Variants in STAB2 observed in about 807,000 individuals in gnomAD.
STAB2 encodes the protein stabilin 2.
Under a neutral mutation model 338.1 loss-of-function variants are expected in STAB2, and 288 were observed. The ratio of observed to expected loss-of-function variants is 0.85; its 90% CI spans 0.77 to 0.94. The LOEUF is 0.94. Ranked by LOEUF, STAB2 falls within the 40% of genes least tolerant of loss-of-function variation. STAB2 has a pLI of 0.00. For synonymous variants in STAB2, 1,202 were observed against 1,193.3 expected (o/e 1.01, Z -0.15); for missense variants, 3,141 against 3,210.1 (o/e 0.98, Z 0.52).
chr12:103,733,392 G>A (rs780976406), intron 51 of STAB2, among the ~76,000 whole-genome samples: 14 of 151,872 alleles, frequency 9.2e-5, no homozygotes, highest in Non-Finnish European at 1.5e-4. Flanking sequence ...TCTGTTCCTT[G>A]GACCTGCCAA....
Position 103,675,969 on chromosome 12 carries a change from G to A in STAB2, c.2594G>A (p.Cys865Tyr). The A allele has an allele frequency of 6.2e-7, 1 of 1,611,016 alleles. No homozygotes were observed. Among genetic ancestry groups the A allele is most frequent in the Non-Finnish European group, 8.5e-7 (1 of 1,178,362 alleles). Reference protein sequence around the residue: ...KAGYEGDGTLCSEMDPCTGLT... With the variant: ...KAGYEGDGTLYSEMDPCTGLT... ...GGATATGAAGGAGATGGAACTCTGT[G>A]TTCTGAGATGGACCCTTGCACAGGA... The change falls in exon 24 of 69, where the codon TGT becomes TAT. Residue 865 changes from cysteine (C) to tyrosine (Y), a missense_variant. Physicochemically the swap from Cys to Tyr is radical, Grantham distance 194 (BLOSUM62 -2). Coordinates refer to ENST00000388887, the MANE Select transcript of STAB2 (RefSeq NM_017564.10).
At chr12:103,612,262 T>A (rs1957136249) in intron 3 of STAB2, among the ~76,000 whole-genome samples, 1 of 152,250 alleles carries the variant, frequency 6.6e-6, no homozygotes, top group African/African-American at 2.4e-5. Flanking sequence ...TTCTCCTGGA[T>A]AATATCCTGC....
intron 65 of STAB2, among the ~76,000 whole-genome samples, 153 bp downstream of exon 65, chr12:103,759,426 C>T (rs1385990915): frequency 6.6e-6 from 1 of 152,226 alleles, no homozygotes; most frequent in Non-Finnish European, 1.5e-5. Flanking sequence ...CTACAGCATA[C>T]CACACTGACA....
chr12:103,606,920 G>C (rs183904247), intron 3 of STAB2, among the ~76,000 whole-genome samples: 19 of 152,146 alleles, frequency 1.2e-4, no homozygotes, highest in African/African-American at 4.6e-4. Flanking sequence ...GGAGGTGGAG[G>C]GTGCCGTGAG....
chr12:103,637,439 T>G (rs1175921183), intron 7 of STAB2, among the ~76,000 whole-genome samples: 1 of 152,210 alleles, frequency 6.6e-6, no homozygotes, highest in Non-Finnish European at 1.5e-5. Context: ...CATATAGAGA[T>G]TTTTATGTTT....
At chr12:103,759,757 A>C (rs1282562741) in intron 65 of STAB2, among the ~76,000 whole-genome samples, 1 of 152,056 alleles carries the variant, frequency 6.6e-6, no homozygotes, top group Non-Finnish European at 1.5e-5. Context: ...GGGAGGGAAA[A>C]CTTATTCTAC....
In STAB2 at chr12:103,706,868, G is replaced by A. The variant is rs754580231; in HGVS notation, c.4073G>A (p.Gly1358Asp). Residue 1358 changes from glycine (G) to aspartate (D), a missense_variant, in exon 38 of 69, where the codon GGT (glycine) becomes GAT (aspartate). Physicochemically the swap from Gly to Asp is moderately conservative, Grantham distance 94 (BLOSUM62 -1). Coordinates refer to ENST00000388887, the MANE Select transcript of STAB2 (RefSeq NM_017564.10). Reference sequence around the variant, plus strand: ...GGGAATGCCCAGAATGTCTGCTTTGGTAATGGCATCTGTTTGGATGGAGTG... The same window carrying A: ...GGGAATGCCCAGAATGTCTGCTTTGATAATGGCATCTGTTTGGATGGAGTG... Reference protein sequence around the residue: ...CPGNAQNVCFGNGICLDGVNG... With the variant: ...CPGNAQNVCFDNGICLDGVNG... The A allele has an allele frequency of 4.9e-5, 79 of 1,614,140 alleles. 1 individual carries two copies. The Middle Eastern group carries it at 8.1e-3, about 165-fold the overall frequency.
chr12:103,693,905 C>G (rs897348384), intron 31 of STAB2, among the ~76,000 whole-genome samples: 4 of 151,780 alleles, frequency 2.6e-5, no homozygotes, highest in Non-Finnish European at 5.9e-5. Context: ...GTAATTCCAG[C>G]ACTTTGGGAG....
intron 3 of STAB2, among the ~76,000 whole-genome samples, chr12:103,618,916 C>T (rs534201859): frequency 5.9e-5 from 9 of 152,268 alleles, no homozygotes; most frequent in African/African-American, 2.2e-4. Flanking sequence ...GCGGGCCTTT[C>T]CCATGCTGTT....
rs1429714926 is a variant in STAB2 at position 103,713,767 on chromosome 12, G to C, written c.4536G>C (p.Leu1512=). Residue 1512 remains leucine, a splice_region_variant and synonymous_variant, in exon 42 of 69, where the codon CTG becomes CTC. Transcript: ENST00000388887. The stretch of plus-strand genomic sequence containing the variant: ...ACACGGGTGATGGCATTGTGTGCCT[G>C]GGTAGGTGTCCTTCCCTCTTCCATC... The part of the protein sequence containing the change: ...AGYTGDGIVC[L]EINPCLENHG... The C allele has an allele frequency of 5.0e-6, 8 of 1,613,540 alleles. No homozygotes were observed. The highest frequency in any genetic ancestry group is 6.8e-6 in the Non-Finnish European group (8 of 1,179,748).
chr12:103,748,967 G>A lies in STAB2; in HGVS notation c.6249G>A (p.Val2083=). 1 of 1,612,860 alleles carries A rather than the reference G, an allele frequency of 6.2e-7. No individual in the cohort carries two copies. The highest frequency in any genetic ancestry group is 8.5e-7 in the Non-Finnish European group (1 of 1,179,274). Residue 2083 remains valine (V), a synonymous_variant, in exon 59 of 69, where the codon GTG becomes GTA. Transcript: ENST00000388887. ...YEGDGITCTV[V]DFCKQDNGGC... ...CTCTCTCCTCTGCTCTTGCAGTTGT[G>A]GATTTCTGCAAACAGGACAACGGGG...
At chr12:103,715,450 A>T (rs1055645542) in intron 42 of STAB2, among the ~76,000 whole-genome samples, 1 of 152,130 alleles carries the variant, frequency 6.6e-6, no homozygotes, top group African/African-American at 2.4e-5. Flanking sequence ...CTATATTGTG[A>T]TGGTTGCAAA....
intron 22 of STAB2, among the ~76,000 whole-genome samples, chr12:103,671,387 G>T (rs1248320473): frequency 6.6e-6 from 1 of 152,070 alleles, no homozygotes; most frequent in Non-Finnish European, 1.5e-5. Context: ...GGAGGCAGAG[G>T]TTGCAGTAAG....
Position 103,594,452 on chromosome 12 carries a change from T to C in STAB2, c.273T>C (p.Cys91=). 2 of 1,613,990 alleles carry C rather than the reference T, an allele frequency of 1.2e-6. No individual in the cohort carries two copies. The highest frequency in any genetic ancestry group is 1.7e-6 in the Non-Finnish European group (2 of 1,179,880). Residue 91 remains cysteine, a synonymous_variant, in exon 3 of 69, where the codon TGT becomes TGC. Transcript: ENST00000388887. ...SLSLPGCRHI[C]RKDYLQPRCC... is the part of the protein sequence containing the mutation. ...CTCTCCCCGGATGCCGCCATATTTGTAGGAAGGACTATCTCCAACCTCGGT... is the reference window on the plus strand; with the variant it reads ...CTCTCCCCGGATGCCGCCATATTTGCAGGAAGGACTATCTCCAACCTCGGT...
intron 24 of STAB2, among the ~76,000 whole-genome samples, chr12:103,676,345 C>A (rs1231755793): frequency 3.3e-5 from 5 of 151,120 alleles, no homozygotes; most frequent in Non-Finnish European, 7.4e-5. Context: ...GCCTAAGCCA[C>A]CGCGCCCAGC....
Position 103,703,384 on chromosome 12 carries a change from A to G in STAB2, c.3843+108A>G, listed in dbSNP as rs75719042. On this transcript the variant is annotated intron_variant, in intron 35 of 68. Coordinates refer to ENST00000388887, the MANE Select transcript of STAB2 (RefSeq NM_017564.10). The stretch of plus-strand genomic sequence containing the variant: ...CTATTAAGGTGTATCAATTCAGTCC[A>G]TAAACCACTGAATGAGTATCTTTGA... The G allele has an allele frequency of 6.7e-3, 9,057 of 1,349,448 alleles. 520 individuals are homozygous for G. In the African/African-American group the frequency reaches 0.12, roughly 17 times the overall value. 83.6% of individuals were successfully genotyped at this position (1,349,448 alleles called of 1,614,324 possible).
rs147792809 is a variant in STAB2 at position 103,629,508 on chromosome 12, A to G, written c.488-2090A>G. Among the ~76,000 whole-genome samples, 186 of 152,348 alleles carry G rather than the reference A, an allele frequency of 1.2e-3. 1 individual carries two copies. Among genetic ancestry groups the G allele is most frequent in the Middle Eastern group, 6.8e-3 (2 of 294 alleles). ...AGGGTGCAATAGTGGACACGGAACA[A>G]AGAAAGTGCTGCTGGAGCCAGAGGA... On this transcript the variant is annotated intron_variant, in intron 5 of 68. Transcript: ENST00000388887.
At chr12:103,619,605 C>T (rs1018012641) in intron 3 of STAB2, among the ~76,000 whole-genome samples, 1 of 152,100 alleles carries the variant, frequency 6.6e-6, no homozygotes, top group Admixed American at 6.5e-5. Flanking sequence ...ATAAAAGCTA[C>T]AATTCAGATC....
At chr12:103,753,399 G>A (rs1883842518) in intron 61 of STAB2, 46 bp downstream of exon 61, 3 of 1,613,204 alleles carry the variant, frequency 1.9e-6, no homozygotes, top group Admixed American at 3.3e-5. Flanking sequence ...GTCTGCAGGG[G>A]CGGAAGTGCA....
Sources: allele counts gnomAD v4.1 joint callset (sites outside exome capture counted in the v4.1 genomes callset), GRCh38; gene constraint gnomAD v4.1.1; transcripts MANE v1.5; gene names NCBI Gene and HGNC (gene_info 2026-07-23, HGNC 2026-07-21).